Variants in TOM1L2 observed in about 807,000 individuals in gnomAD.
TOM1L2 encodes TOM1-like protein 2.
A neutral mutation model predicts 67.9 loss-of-function variants in TOM1L2; 31 were observed. The ratio of observed to expected loss-of-function variants is 0.46; its 90% CI spans 0.34 to 0.62. TOM1L2 has a LOEUF of 0.62. Among genes scored for constraint, TOM1L2 ranks in the 20% least tolerant of loss-of-function variants. The pLI, the probability that TOM1L2 is intolerant of heterozygous loss-of-function variation, is 0.01. For missense variants in TOM1L2, 606 were observed against 663.5 expected, an observed-to-expected ratio of 0.91 and a Z score of 0.95; for synonymous variants, 256 against 254.0, an observed-to-expected ratio of 1.01 and a Z score of -0.07.
chr17:17,957,874 A>T (rs1012879231), intron 1 of TOM1L2, among the ~76,000 whole-genome samples: 4 of 151,844 alleles, frequency 2.6e-5, no homozygotes, highest in Non-Finnish European at 1.5e-5. Context: ...GCGGATCATG[A>T]GGTCCGGAGA....
chr17:17,954,476 C>T (rs1598402696), intron 1 of TOM1L2, among the ~76,000 whole-genome samples: 1 of 152,158 alleles, frequency 6.6e-6, no homozygotes, highest in East Asian at 1.9e-4. Flanking sequence ...CCATGTCCTG[C>T]TAATTTTTGT....
rs2036881490 is a variant in TOM1L2, at chr17:17,866,933, G to A, written c.912-9C>T. ...ACCTGTATCGTTCGAACCTAACAGG[G>A]GAAGGGAAAGCAGAAGTAAGGAGAG... On this transcript the variant is annotated splice_polypyrimidine_tract_variant and intron_variant, in intron 8 of 14. Coordinates refer to ENST00000379504, the MANE Select transcript of TOM1L2 (RefSeq NM_001082968.2). The A allele has an allele frequency of 6.2e-7, 1 of 1,613,938 alleles. No individual in the cohort carries two copies. Among genetic ancestry groups the A allele is most frequent in the Non-Finnish European group, 8.5e-7 (1 of 1,179,882 alleles).
chr17:17,847,256 A>T lies in TOM1L2; in HGVS notation c.*379T>A. ...GCCTGAGAAGGTCGCTGAGCCAGGC[A>T]GAGGTGAGCACAGGGCGGGGCCGGG... is the stretch of plus-strand genomic sequence containing the variant. On this transcript the variant is annotated 3_prime_UTR_variant, in exon 15 of 15. Coordinates refer to ENST00000379504, the MANE Select transcript of TOM1L2 (RefSeq NM_001082968.2). The T allele has an allele frequency of 4.1e-6, 1 of 242,162 alleles. No individual in the cohort carries two copies. Among genetic ancestry groups the T allele is most frequent in the Non-Finnish European group, 8.1e-6 (1 of 124,082 alleles). The allele number at this position is 242,162 out of a possible 1,614,324, so 15.0% of individuals were successfully genotyped here. A position where few individuals can be genotyped will look rare whatever the true frequency, so the allele number is the denominator to read the frequency against.
intron 1 of TOM1L2, among the ~76,000 whole-genome samples, chr17:17,940,156 G>A (rs1010225528): frequency 3.0e-5 from 4 of 134,440 alleles, no homozygotes; most frequent in Admixed American, 8.5e-5. Flanking sequence ...TCACGCCTCT[G>A]CATTCCAGGC....
chr17:17,854,297 C>G (rs368850260), intron 12 of TOM1L2, among the ~76,000 whole-genome samples: 2 of 152,106 alleles, frequency 1.3e-5, no homozygotes, highest in African/African-American at 4.8e-5. Flanking sequence ...CCTTGTCAGG[C>G]TGATGGGAGG....
chr17:17,911,162 G>A (rs1312894651), intron 1 of TOM1L2, among the ~76,000 whole-genome samples: 6 of 152,192 alleles, frequency 3.9e-5, no homozygotes, highest in East Asian at 1.9e-4. Flanking sequence ...TGCTGTCAGC[G>A]TCAAGGCTTC....
At chr17:17,901,922 G>A (rs949115681) in intron 2 of TOM1L2, among the ~76,000 whole-genome samples, 5 of 152,194 alleles carry the variant, frequency 3.3e-5, no homozygotes, top group African/African-American at 1.2e-4. Context: ...TCTGGCTCAC[G>A]CCTGTAATCC....
chr17:17,948,380 G>A (rs2041045238), intron 1 of TOM1L2, among the ~76,000 whole-genome samples: 1 of 152,214 alleles, frequency 6.6e-6, no homozygotes, highest in Non-Finnish European at 1.5e-5. Flanking sequence ...CAGGTGTGGT[G>A]GCTCACACCT....
rs1289997496 is a variant in TOM1L2 at position 17,900,630 on chromosome 17, G to A, written c.138-1956C>T. Among the ~76,000 whole-genome samples the A allele has an allele frequency of 2.6e-5, 4 of 152,036 alleles. No individual in the cohort carries two copies. The East Asian group carries it at 7.7e-4, about 29-fold the overall frequency. On this transcript the variant is annotated intron_variant, in intron 2 of 14. Transcript: ENST00000379504. ...ATCACCTGTTTCCCATTCCCAGCTT[G>A]ACATATGGCTGCCCTGTAGGAATTC...
At chr17:17,886,613 GAA>G (rs1194431167) in intron 4 of TOM1L2, among the ~76,000 whole-genome samples, 1 of 152,200 alleles carries the variant, frequency 6.6e-6, no homozygotes, top group Non-Finnish European at 1.5e-5. Flanking sequence ...GGAGGCTGGG[GAA>G]AAAACACATG....
At chr17:17,934,917 G>A (rs2040461221) in intron 1 of TOM1L2, among the ~76,000 whole-genome samples, 1 of 152,216 alleles carries the variant, frequency 6.6e-6, no homozygotes, top group Non-Finnish European at 1.5e-5. Flanking sequence ...TAGAGAAGCT[G>A]CAAAGAGAAA....
chr17:17,877,027 C>T (rs2037460015), intron 7 of TOM1L2, among the ~76,000 whole-genome samples: 1 of 152,210 alleles, frequency 6.6e-6, no homozygotes, highest in South Asian at 2.1e-4. Context: ...GGGCACCCTT[C>T]CTTCCTTCTC....
At chr17:17,929,626 C>T (rs1350681082) in intron 1 of TOM1L2, among the ~76,000 whole-genome samples, 3 of 152,116 alleles carry the variant, frequency 2.0e-5, no homozygotes, top group African/African-American at 7.2e-5. Context: ...AGCAAAAACT[C>T]CATCTCAAAA....
chr17:17,912,866 A>G (rs967540808), intron 1 of TOM1L2, among the ~76,000 whole-genome samples: 1 of 152,090 alleles, frequency 6.6e-6, no homozygotes, highest in Non-Finnish European at 1.5e-5. Context: ...GCGAGCCGAG[A>G]TCATGCCACT....
intron 1 of TOM1L2, among the ~76,000 whole-genome samples, chr17:17,944,968 C>A (rs2040879799): frequency 6.6e-6 from 1 of 152,192 alleles, no homozygotes; most frequent in Admixed American, 6.5e-5. Context: ...GTACTCCTGA[C>A]ATTGCAGCAG....
chr17:17,940,649 C>T (rs923751716), intron 1 of TOM1L2, among the ~76,000 whole-genome samples: 1 of 152,186 alleles, frequency 6.6e-6, no homozygotes, highest in African/African-American at 2.4e-5. Flanking sequence ...CTCAGCAATG[C>T]CATTCCGATG....
intron 3 of TOM1L2, among the ~76,000 whole-genome samples, chr17:17,894,105 G>C (rs565536500): frequency 6.6e-6 from 1 of 152,302 alleles, no homozygotes; most frequent in Admixed American, 6.5e-5. Flanking sequence ...GTTTTAATGG[G>C]ATCAAAATGA....
intron 1 of TOM1L2, among the ~76,000 whole-genome samples, chr17:17,930,596 C>T (rs1028399220): frequency 6.6e-6 from 1 of 152,236 alleles, no homozygotes; most frequent in Non-Finnish European, 1.5e-5. Context: ...GCTTTGGTCA[C>T]ATCACTGCCC....
intron 7 of TOM1L2, among the ~76,000 whole-genome samples, chr17:17,870,238 C>T (rs563106550): frequency 8.5e-5 from 13 of 152,176 alleles, no homozygotes; most frequent in Non-Finnish European, 1.6e-4. Flanking sequence ...CCCTGGAGCC[C>T]TCTCTACCCT....
Sources: allele counts gnomAD v4.1 joint callset (sites outside exome capture counted in the v4.1 genomes callset), GRCh38; gene constraint gnomAD v4.1.1; transcripts MANE v1.5; gene names NCBI Gene and HGNC (gene_info 2026-07-23, HGNC 2026-07-21).